Variants in KIF15 observed in about 807,000 individuals in gnomAD.
KIF15 encodes the protein kinesin family member 15.
KIF15 carries 140 observed loss-of-function variants against 190.6 expected under a neutral mutation model. That is an observed-to-expected ratio of 0.73 (90% CI 0.64 to 0.84). The LOEUF (loss-of-function observed/expected upper bound fraction) is 0.84. KIF15 is among the 40% of genes least tolerant of loss of function. The probability of loss-of-function intolerance (pLI) is 0.00; values close to 1 mark genes in which losing one functional copy is unlikely to be tolerated. For synonymous variants in KIF15, 528 were observed against 551.3 expected (o/e 0.96, Z 0.59); for missense variants, 1,372 against 1,584.4 (o/e 0.87, Z 2.28).
At chr3:44,783,357 T>TGA (rs368367542) in intron 5 of KIF15, among the ~76,000 whole-genome samples, 8 of 149,698 alleles carry the variant, frequency 5.3e-5, no homozygotes, top group Non-Finnish European at 8.9e-5. Flanking sequence ...GAGAGGAAAG[T>TGA]GAGAGAGAGA....
chr3:44,801,220 G>A (rs1157840685), intron 11 of KIF15, among the ~76,000 whole-genome samples: 1 of 150,146 alleles, frequency 6.7e-6, no homozygotes, highest in African/African-American at 2.4e-5. Context: ...GGAGGGGGGG[G>A]TCTCACCATG....
At chr3:44,864,367 C>A (rs764213526) in intron 6 of KIF15, 1 of 1,613,658 alleles carries the variant, frequency 6.2e-7, no homozygotes, top group South Asian at 1.1e-5. Flanking sequence ...GGGTGTGGTG[C>A]TCTTGTCCTA....
chr3:44,862,019 C>A, intron 6 of KIF15: 1 of 1,377,118 alleles, frequency 7.3e-7, no homozygotes. Context: ...CAGGCGGGTG[C>A]GATGCGGCGC....
At chr3:44,865,146 C>A in intron 6 of KIF15, 1 of 1,614,176 alleles carries the variant, frequency 6.2e-7, no homozygotes, top group South Asian at 1.1e-5. Context: ...AAGCTCCCAC[C>A]CACCTGGAAG....
Position 44,829,901 on chromosome 3 carries a change from A to T in KIF15, c.2944-70A>T, listed in dbSNP as rs1352875507. ...ATATTGCCATTAGGAAAGATAAGTG[A>T]TTTACCATTTAAAAATTTTCTTCTC... On this transcript the variant is annotated intron_variant, in intron 24 of 34. Coordinates refer to ENST00000326047, the MANE Select transcript of KIF15 (RefSeq NM_020242.3). The T allele has an allele frequency of 5.7e-6, 4 of 702,040 alleles. No homozygotes were observed. In the African/African-American group the frequency reaches 7.4e-5, roughly 13 times the overall value. The allele number at this position is 702,040 out of a possible 1,614,324, so 43.5% of individuals were successfully genotyped here. A position where few individuals can be genotyped will look rare whatever the true frequency, so the allele number is the denominator to read the frequency against.
chr3:44,775,100 C>CAA (rs35117351), intron 2 of KIF15, among the ~76,000 whole-genome samples, 154 bp from the exon 3 acceptor site: 2 of 140,444 alleles, frequency 1.4e-5, no homozygotes, highest in African/African-American at 5.2e-5. Flanking sequence ...AACTCCATCT[C>CAA]AAAAAAAAAA....
At chr3:44,800,533 A>G (rs1016481607) in intron 11 of KIF15, 96 bp downstream of exon 11, 63 of 1,359,972 alleles carry the variant, frequency 4.6e-5, no homozygotes, top group South Asian at 1.4e-4. Flanking sequence ...AGGCAACCCA[A>G]ATTTTTCTGC....
In KIF15 at chr3:44,786,550, AAC is replaced by A; in HGVS notation, c.616_617del (p.Thr206LeufsTer4). On this transcript the variant is annotated frameshift_variant, in exon 7 of 35. Transcript: ENST00000326047. LOFTEE classifies it high-confidence loss of function. Reference protein sequence around the residue: ...FVVGAVEQVVTSAAEAYQVLS... With the variant: ...FVVGAVEQVVXSAAEAYQVLS... ...TTGTTGGTGCGGTGGAGCAGGTGGT[AAC>A]CTCAGCTGCTGAAGCCTATCAGGTA... 1 of 1,612,880 alleles carries A rather than the reference AAC, an allele frequency of 6.2e-7. No homozygotes were observed. Among genetic ancestry groups the A allele is most frequent in the South Asian group, 1.1e-5 (1 of 90,884 alleles).
intron 6 of KIF15, among the ~76,000 whole-genome samples, chr3:44,785,708 T>G (rs1706370131): frequency 6.6e-6 from 1 of 152,196 alleles, no homozygotes; most frequent in Non-Finnish European, 1.5e-5. Flanking sequence ...TCCTATAAAG[T>G]CTTTTAAAAT....
intron 20 of KIF15, among the ~76,000 whole-genome samples, chr3:44,820,766 G>A (rs974426526): frequency 6.6e-5 from 10 of 152,128 alleles, no homozygotes; most frequent in Non-Finnish European, 1.3e-4. Context: ...ACACAAACAC[G>A]GCAACCATCC....
intron 1 of KIF15, among the ~76,000 whole-genome samples, chr3:44,770,792 T>C (rs1312873550): frequency 2.6e-5 from 4 of 152,204 alleles, no homozygotes; most frequent in Admixed American, 2.6e-4. Context: ...ATGCTCCAAA[T>C]TTTGTTCACA....
rs1707761256 is a variant in KIF15, at chr3:44,811,031, T to G, written c.2157T>G (p.Leu719=). 3.7e-6 allele frequency: 6 copies of G among 1,608,312 alleles called. No individual in the cohort carries two copies. The highest frequency in any genetic ancestry group is 5.1e-6 in the Non-Finnish European group (6 of 1,178,226). The change falls in exon 17 of 35, where the codon CTT becomes CTG. Residue 719 remains leucine (L), a synonymous_variant. Transcript: ENST00000326047. ...CTTTTGAGGCCATTTCTGAAGAGCTTAGAACAGTGCAGGTAATGTTTTGTT... is the reference window on the plus strand; with the variant it reads ...CTTTTGAGGCCATTTCTGAAGAGCTGAGAACAGTGCAGGTAATGTTTTGTT... The part of the protein sequence containing the change: ...EQAFEAISEE[L]RTVQEQMSAL...
intron 6 of KIF15, 82 bp downstream of exon 6, chr3:44,785,024 TG>T: frequency 2.9e-6 from 2 of 688,190 alleles, no homozygotes; most frequent in Non-Finnish European, 5.1e-6. Context: ...TCATGATACA[TG>T]GTGGAGCATG....
At chr3:44,801,625 A>C (rs1559546354) in intron 12 of KIF15, 99 bp downstream of exon 12, 2 of 960,318 alleles carry the variant, frequency 2.1e-6, no homozygotes, top group Non-Finnish European at 3.2e-6. Context: ...ATACCAAGTC[A>C]ATAAAGTAAT....
At chr3:44,813,029 G>C (rs1313853180) in intron 18 of KIF15, 46 bp from the exon 19 acceptor site, 16 of 1,140,894 alleles carry the variant, frequency 1.4e-5, no homozygotes, top group Non-Finnish European at 2.0e-5. Context: ...GTGCATCTTA[G>C]CATGCCAGTA....
At position 44,838,322 on chromosome 3, in the gene KIF15, C is replaced by A. The variant is rs770552066; in HGVS notation, c.3219C>A (p.Asn1073Lys). Residue 1073 changes from asparagine (N) to lysine (K), a missense_variant, in exon 27 of 35, where the codon AAC (asparagine) becomes AAA (lysine). By Grantham distance (94) the Asn-to-Lys change is moderately conservative. Coordinates refer to ENST00000326047, the MANE Select transcript of KIF15 (RefSeq NM_020242.3). ...TGGCTCATGCCACTGAGCAGCTGAA[C>A]ATGCTCACAGAGGCCTCAAAAAAAC... Reference protein sequence around the residue: ...EDLAHATEQLNMLTEASKKHS... With the variant: ...EDLAHATEQLKMLTEASKKHS... 6.2e-7 allele frequency: 1 copy of A among 1,613,906 alleles called. No homozygotes were observed.
intron 17 of KIF15, 22 bp from the exon 18 acceptor site, chr3:44,812,160 G>T: frequency 6.5e-7 from 1 of 1,530,446 alleles, no homozygotes; most frequent in South Asian, 1.2e-5. Flanking sequence ...AAATTTTGAT[G>T]ACTGAAGTTT....
intron 30 of KIF15, among the ~76,000 whole-genome samples, chr3:44,844,233 C>T (rs1464316051): frequency 6.6e-6 from 1 of 152,216 alleles, no homozygotes; most frequent in Non-Finnish European, 1.5e-5. Context: ...CTAAATGAGG[C>T]AGGAGAGATT....
chr3:44,786,425 T>A lies in KIF15; in HGVS notation c.490T>A (p.Cys164Ser), dbSNP rs1391959921. Residue 164 changes from cysteine to serine, a missense_variant, in exon 7 of 35, where the codon TGT becomes AGT. Cys to Ser is a moderately radical substitution (Grantham distance 112). Coordinates refer to ENST00000326047, the MANE Select transcript of KIF15 (RefSeq NM_020242.3). ...AGAGKSFLCK[C>S]SFIEIYNEQI... ...AGCTGGAAAGAGTTTCCTTTGTAAG[T>A]GTTCCTTTATTGAAATCTACAACGA... 6.2e-7 allele frequency: 1 copy of A among 1,610,804 alleles called. No individual in the cohort carries two copies.
Sources: allele counts gnomAD v4.1 joint callset (sites outside exome capture counted in the v4.1 genomes callset), GRCh38; gene constraint gnomAD v4.1.1; transcripts MANE v1.5; gene names NCBI Gene and HGNC (gene_info 2026-07-23, HGNC 2026-07-21).